FANCC: variants seen among roughly 807,000 people sequenced by gnomAD.
The protein encoded by FANCC is Fanconi anemia group C protein.
Under a neutral mutation model 71.3 loss-of-function variants are expected in FANCC, and 55 were observed. The observed-to-expected ratio is 0.77, with a 90% CI of 0.62 to 0.97. The LOEUF is 0.97. Among genes scored for constraint, FANCC ranks in the 50% least tolerant of loss-of-function variants. The pLI is 0.00. For missense variants in FANCC, 678 were observed against 670.9 expected (o/e 1.01, Z -0.12); for synonymous variants, 275 against 244.9 (o/e 1.12, Z -1.15).
intron 1 of FANCC, among the ~76,000 whole-genome samples, chr9:95,301,765 TAAC>T (rs1834746935): frequency 6.6e-6 from 1 of 151,792 alleles, no homozygotes. Flanking sequence ...GAAATAAAAA[TAAC>T]AACAGTTCTT....
At chr9:95,262,552 A>C (rs1435174888) in intron 1 of FANCC, among the ~76,000 whole-genome samples, 1 of 152,214 alleles carries the variant, frequency 6.6e-6, no homozygotes, top group Non-Finnish European at 1.5e-5. Context: ...GCTGCTACGA[A>C]AAACAGTATG....
chr9:95,205,811 GAAC>G (rs925514945), intron 4 of FANCC, among the ~76,000 whole-genome samples: 4 of 152,034 alleles, frequency 2.6e-5, no homozygotes, highest in East Asian at 1.9e-4. Context: ...AGGCTAGCAA[GAAC>G]AACATTTTTG....
intron 6 of FANCC, among the ~76,000 whole-genome samples, chr9:95,152,616 A>AT (rs1234087598): frequency 6.6e-6 from 1 of 152,190 alleles, no homozygotes; most frequent in Non-Finnish European, 1.5e-5. Context: ...ATGCAACTAT[A>AT]TTTTTTGTTT....
intron 7 of FANCC, among the ~76,000 whole-genome samples, chr9:95,142,971 T>A (rs1459067875): frequency 6.6e-6 from 1 of 152,182 alleles, no homozygotes; most frequent in Non-Finnish European, 1.5e-5. Context: ...CCCCACAGGT[T>A]AAGGGCTCAG....
intron 4 of FANCC, among the ~76,000 whole-genome samples, chr9:95,211,410 G>A (rs1828490350): frequency 6.6e-6 from 1 of 152,126 alleles, no homozygotes; most frequent in Admixed American, 6.6e-5. Context: ...GCATATGTAG[G>A]GTACTACTTG....
At position 95,172,083 on chromosome 9, in the gene FANCC, C is replaced by G; in HGVS notation, c.410G>C (p.Gly137Ala). 6.2e-7 allele frequency: 1 copy of G among 1,613,302 alleles called. No homozygotes were observed. The highest frequency in any genetic ancestry group is 8.5e-7 in the Non-Finnish European group (1 of 1,179,446). ...GTAATCTATAGGTGCATACCCAAGA[C>G]CTTGAGTGAAAAGAGCAACTTCTTT... ...FDKEVALFTQ[G>A]LGYAPIDYYP... Residue 137 changes from glycine (G) to alanine (A), a missense_variant, in exon 5 of 15, where the codon GGT becomes GCT. Gly to Ala is a moderately conservative substitution (Grantham distance 60). Coordinates refer to ENST00000289081, the MANE Select transcript of FANCC (RefSeq NM_000136.3).
intron 1 of FANCC, among the ~76,000 whole-genome samples, chr9:95,266,272 C>G (rs917890941): frequency 6.6e-6 from 1 of 152,176 alleles, no homozygotes; most frequent in East Asian, 1.9e-4. Flanking sequence ...AAATTAAATA[C>G]CAACAAATCT....
At chr9:95,102,133 G>A (rs887460187) in intron 14 of FANCC, among the ~76,000 whole-genome samples, 2 of 152,194 alleles carry the variant, frequency 1.3e-5, no homozygotes, top group South Asian at 2.1e-4. Flanking sequence ...ACAAACAAGC[G>A]CTGCTTGCAA....
chr9:95,237,798 G>A (rs773599041), intron 4 of FANCC, among the ~76,000 whole-genome samples: 10 of 152,042 alleles, frequency 6.6e-5, no homozygotes, highest in South Asian at 4.1e-4. Flanking sequence ...AAGTGTTAGC[G>A]TAACATACAC....
At chr9:95,255,928 A>T (rs1400225459) in intron 1 of FANCC, among the ~76,000 whole-genome samples, 3 of 151,852 alleles carry the variant, frequency 2.0e-5, no homozygotes, top group African/African-American at 7.3e-5. Context: ...AGAAGAAAGG[A>T]TATCAGAGAC....
At chr9:95,262,486 G>A (rs1832112569) in intron 1 of FANCC, among the ~76,000 whole-genome samples, 1 of 152,150 alleles carries the variant, frequency 6.6e-6, no homozygotes, top group Non-Finnish European at 1.5e-5. Context: ...GTGTTGATGA[G>A]GACACAGAGA....
intron 4 of FANCC, among the ~76,000 whole-genome samples, chr9:95,217,782 T>A (rs933818619): frequency 6.6e-5 from 10 of 151,818 alleles, no homozygotes; most frequent in Admixed American, 2.6e-4. Flanking sequence ...ATCAAAGACA[T>A]CACAAACAAT....
chr9:95,132,642 C>G (rs916287668), intron 8 of FANCC, among the ~76,000 whole-genome samples: 2 of 152,176 alleles, frequency 1.3e-5, no homozygotes, highest in East Asian at 3.8e-4. Flanking sequence ...AAAGGGGAAG[C>G]CTCAAAAGTG....
intron 1 of FANCC, chr9:95,292,342 C>T: frequency 1.1e-6 from 1 of 872,086 alleles, no homozygotes; most frequent in Non-Finnish European, 1.4e-6. Flanking sequence ...GGAGCCATGG[C>T]GGCCTCGGAG....
intron 4 of FANCC, among the ~76,000 whole-genome samples, chr9:95,197,556 T>C (rs1351145479): frequency 2.0e-5 from 3 of 151,966 alleles, no homozygotes; most frequent in African/African-American, 7.3e-5. Flanking sequence ...CAAACCCCAA[T>C]ATAATAAAGG....
chr9:95,114,937 T>C (rs1447451377), intron 11 of FANCC, among the ~76,000 whole-genome samples: 1 of 152,180 alleles, frequency 6.6e-6, no homozygotes, highest in Non-Finnish European at 1.5e-5. Context: ...ATCTAATCTT[T>C]TAATTTTAGT....
chr9:95,221,677 C>G (rs972905306), intron 4 of FANCC, among the ~76,000 whole-genome samples: 1 of 152,068 alleles, frequency 6.6e-6, no homozygotes. Context: ...GTCTTACACA[C>G]CTTAAGAAGA....
At chr9:95,294,380 C>A (rs1834247899) in intron 1 of FANCC, 1 of 1,595,280 alleles carries the variant, frequency 6.3e-7, no homozygotes, top group East Asian at 2.2e-5. Flanking sequence ...CTCGCAGATA[C>A]CTCTGCTCAG....
chr9:95,148,724 T>C (rs1002623519), intron 7 of FANCC, among the ~76,000 whole-genome samples: 3 of 152,188 alleles, frequency 2.0e-5, no homozygotes, highest in Non-Finnish European at 2.9e-5. Flanking sequence ...ATTATGTGTG[T>C]TGGCAAAAAA....
Sources: allele counts gnomAD v4.1 joint callset (sites outside exome capture counted in the v4.1 genomes callset), GRCh38; gene constraint gnomAD v4.1.1; transcripts MANE v1.5; gene names NCBI Gene and HGNC (gene_info 2026-07-23, HGNC 2026-07-21).